TPCN1: variants seen among roughly 807,000 people sequenced by gnomAD.
TPCN1 encodes the protein two pore segment channel 1, also known as two pore channel protein 1.
Under a neutral mutation model 108.8 loss-of-function variants are expected in TPCN1, and 52 were observed. The ratio of observed to expected loss-of-function variants is 0.48; its 90% CI spans 0.38 to 0.60. The LOEUF (loss-of-function observed/expected upper bound fraction) is 0.60. TPCN1 is among the 20% of genes least tolerant of loss of function. TPCN1 has a pLI of 0.00. For missense variants in TPCN1, 806 were observed against 1,072.8 expected (o/e 0.75, Z 3.47); for synonymous variants, 446 against 433.7 (o/e 1.03, Z -0.35).
chr12:113,277,289 A>G lies in TPCN1; in HGVS notation c.1109A>G (p.Tyr370Cys), dbSNP rs773840947. 7 of 1,614,006 alleles carry G rather than the reference A, an allele frequency of 4.3e-6. No individual in the cohort carries two copies. The highest frequency in any genetic ancestry group is 2.7e-5 in the African/African-American group (2 of 74,924). ...YRQFEGLMRFYKPRMSARERY... is the reference protein window; with the variant it reads ...YRQFEGLMRFCKPRMSARERY... ...CAGTTTGAAGGCCTCATGCGCTTCT[A>G]CAAGCCCCGGATGAGTGCCAGGGAG... The change falls in exon 12 of 28, where the codon TAC becomes TGC. Residue 370 changes from tyrosine (Y) to cysteine (C), a missense_variant. Physicochemically the swap from Tyr to Cys is radical, Grantham distance 194. Coordinates refer to ENST00000335509, the MANE Select transcript of TPCN1 (RefSeq NM_017901.6).
rs1380629875 is a variant in TPCN1, at chr12:113,266,143, C to T, written c.238-37C>T. ...CTCCTCTTTGGCGTTGGATGGGTCTCCAGGCTTACATGCCCACACTACTCT... is the reference window on the plus strand; with the variant it reads ...CTCCTCTTTGGCGTTGGATGGGTCTTCAGGCTTACATGCCCACACTACTCT... On this transcript the variant is annotated intron_variant, in intron 3 of 27. Coordinates refer to ENST00000335509, the MANE Select transcript of TPCN1 (RefSeq NM_017901.6). The surrounding 1 kb of genome is among the most constrained non-coding windows in gnomAD (Gnocchi z 4.2). 4 of 1,609,292 alleles carry T rather than the reference C, an allele frequency of 2.5e-6. No homozygotes were observed. The highest frequency in any genetic ancestry group is 4.5e-5 in the East Asian group (2 of 44,848).
chr12:113,267,428 T>TC (rs1955306522), intron 4 of TPCN1, among the ~76,000 whole-genome samples: 1 of 151,770 alleles, frequency 6.6e-6, no homozygotes, highest in South Asian at 2.1e-4. Context: ...AGACTGAGTC[T>TC]CCCTCTGTTG....
rs568519406 is a variant in TPCN1 at position 113,297,938 on chromosome 12, G to A, written c.*1862G>A. 1 of 152,376 alleles carries A rather than the reference G, an allele frequency of 6.6e-6. No homozygotes were observed. Among genetic ancestry groups the A allele is most frequent in the South Asian group, 2.1e-4 (1 of 4,830 alleles). The allele number at this position is 152,376 out of a possible 1,614,324, so 9.4% of individuals were successfully genotyped here. ...GACCTGAGCATCTGGGCCTCGCCTGGGCCCTTCTTCCTCCCCAGGGGTGGA... is the reference window on the plus strand; with the variant it reads ...GACCTGAGCATCTGGGCCTCGCCTGAGCCCTTCTTCCTCCCCAGGGGTGGA... On this transcript the variant is annotated 3_prime_UTR_variant, in exon 28 of 28. Coordinates refer to ENST00000335509, the MANE Select transcript of TPCN1 (RefSeq NM_017901.6). The surrounding 1 kb of genome is among the most constrained non-coding windows in gnomAD (Gnocchi z 4.4).
Position 113,288,384 on chromosome 12 carries a change from G to C in TPCN1, c.1706+150G>C, listed in dbSNP as rs763482773. On this transcript the variant is annotated intron_variant, in intron 20 of 27. Coordinates refer to ENST00000335509, the MANE Select transcript of TPCN1 (RefSeq NM_017901.6). This position sits in a 1 kb window ranked among gnomAD's most constrained non-coding sequence, Gnocchi z 4.8. ...GGGGCTCCAAGGAGCCTGGAATCTT[G>C]ACCACCACAGGTCTCCTGGGCACCA... is the stretch of plus-strand genomic sequence containing the variant. The C allele has an allele frequency of 6.7e-7, 1 of 1,500,832 alleles. No individual in the cohort carries two copies. Among genetic ancestry groups the C allele is most frequent in the Non-Finnish European group, 8.9e-7 (1 of 1,126,924 alleles). 93.0% of individuals were successfully genotyped at this position (1,500,832 alleles called of 1,614,324 possible). A position where few individuals can be genotyped will look rare whatever the true frequency, so the allele number is the denominator to read the frequency against.
At chr12:113,280,292 G>A in intron 15 of TPCN1, 97 bp downstream of exon 15, 1 of 987,178 alleles carries the variant, frequency 1.0e-6, no homozygotes, top group South Asian at 1.6e-5. Flanking sequence ...AGAGTCCTGT[G>A]TTTGACTTTT....
intron 15 of TPCN1, among the ~76,000 whole-genome samples, chr12:113,281,778 A>G (rs1955893313): frequency 6.6e-6 from 1 of 152,030 alleles, no homozygotes; most frequent in Admixed American, 6.6e-5. Flanking sequence ...GCCTCAAGCC[A>G]TTCTCCTGCC....
At position 113,268,007 on chromosome 12, in the gene TPCN1, C is replaced by T; in HGVS notation, c.528+51C>T. 8.0e-7 allele frequency: 1 copy of T among 1,244,782 alleles called. No homozygotes were observed. Among genetic ancestry groups the T allele is most frequent in the Non-Finnish European group, 1.2e-6 (1 of 862,246 alleles). The allele number at this position is 1,244,782 out of a possible 1,614,324, so 77.1% of individuals were successfully genotyped here. A position where few individuals can be genotyped will look rare whatever the true frequency, so the allele number is the denominator to read the frequency against. On this transcript the variant is annotated intron_variant, in intron 5 of 27. Coordinates refer to ENST00000335509, the MANE Select transcript of TPCN1 (RefSeq NM_017901.6). The surrounding 1 kb of genome is among the most constrained non-coding windows in gnomAD (Gnocchi z 7.3). Reference sequence around the variant, plus strand: ...CCCCTCACAGCCTTTTCTCCCATGTCACCTTCAAACCTGTCTCTTTGGTAC... The same window carrying T: ...CCCCTCACAGCCTTTTCTCCCATGTTACCTTCAAACCTGTCTCTTTGGTAC...
At chr12:113,223,435 C>CTTTTTTTTTTTT (rs1172851714) in intron 1 of TPCN1, among the ~76,000 whole-genome samples, 8,194 of 118,460 alleles carry the variant, frequency 0.069, 365 homozygotes, top group African/African-American at 0.091. Flanking sequence ...TCTGCTGAGT[C>CTTTTTTTTTTTT]TTTTTTTTTT....
At chr12:113,277,514 A>G in intron 12 of TPCN1, 150 bp downstream of exon 12, 1 of 949,510 alleles carries the variant, frequency 1.1e-6, no homozygotes, top group Non-Finnish European at 1.5e-6. Context: ...AGACTTACAC[A>G]CTGGATTCAT....
intron 2 of TPCN1, among the ~76,000 whole-genome samples, chr12:113,229,889 A>C (rs1323941493): frequency 6.6e-6 from 1 of 152,214 alleles, no homozygotes; most frequent in Non-Finnish European, 1.5e-5. Flanking sequence ...TGGGGAGGGC[A>C]AGCTCTTCAG....
intron 15 of TPCN1, 119 bp downstream of exon 15, chr12:113,280,314 A>G: frequency 1.4e-6 from 1 of 732,762 alleles, no homozygotes. Flanking sequence ...ATTGTGGGGA[A>G]TTCCCAGCAT....
intron 2 of TPCN1, among the ~76,000 whole-genome samples, chr12:113,236,749 G>C (rs1418033323): frequency 6.6e-6 from 1 of 152,182 alleles, no homozygotes; most frequent in Non-Finnish European, 1.5e-5. Flanking sequence ...CACTGAGTTT[G>C]AATCCAGCCC....
chr12:113,291,994 C>A, intron 25 of TPCN1, 36 bp downstream of exon 25: 1 of 1,573,296 alleles, frequency 6.4e-7, no homozygotes, highest in Non-Finnish European at 8.7e-7. Context: ...CATTTGATAT[C>A]TGCCGCCTAC....
At chr12:113,236,219 G>C (rs1238185552) in intron 2 of TPCN1, among the ~76,000 whole-genome samples, 1 of 152,182 alleles carries the variant, frequency 6.6e-6, no homozygotes, top group African/African-American at 2.4e-5. Context: ...GGGACACGGG[G>C]TGCCTACTGT....
intron 15 of TPCN1, among the ~76,000 whole-genome samples, chr12:113,282,213 C>T (rs1955911225): frequency 6.6e-6 from 1 of 151,512 alleles, no homozygotes; most frequent in Non-Finnish European, 1.5e-5. Context: ...GCCTCAGCCT[C>T]CCAAGTAGCT....
In TPCN1 at chr12:113,292,770, G is replaced by A. The variant is rs1956308861; in HGVS notation, c.2114-164G>A. ...TCCTGACATCACAGCAGAGGGAGGG[G>A]AAGGGAAAGGAGGGCCAACGAGGAG... On this transcript the variant is annotated intron_variant, in intron 25 of 27. Coordinates refer to ENST00000335509, the MANE Select transcript of TPCN1 (RefSeq NM_017901.6). 4 of 753,380 alleles carry A rather than the reference G, an allele frequency of 5.3e-6. No individual in the cohort carries two copies. In the East Asian group the frequency reaches 1.0e-4, roughly 20 times the overall value. 46.7% of individuals were successfully genotyped at this position (753,380 alleles called of 1,614,324 possible). A position where few individuals can be genotyped will look rare whatever the true frequency, so the allele number is the denominator to read the frequency against.
chr12:113,226,989 G>A, intron 2 of TPCN1, 25 bp downstream of exon 2: 2 of 1,585,252 alleles, frequency 1.3e-6, no homozygotes, highest in Non-Finnish European at 1.7e-6. Context: ...TGGGCTGGGG[G>A]GACCCCAGCT....
Position 113,268,167 on chromosome 12 carries a change from G to T in TPCN1, c.528+211G>T, listed in dbSNP as rs1484041434. Among the ~76,000 whole-genome samples the T allele has an allele frequency of 1.3e-5, 2 of 152,200 alleles. No individual in the cohort carries two copies. The highest frequency in any genetic ancestry group is 2.9e-5 in the Non-Finnish European group (2 of 68,038). On this transcript the variant is annotated intron_variant, in intron 5 of 27. Transcript: ENST00000335509. The surrounding 1 kb of genome is among the most constrained non-coding windows in gnomAD (Gnocchi z 7.3). Reference sequence around the variant, plus strand: ...AGTAGCTAATGTGATTGGGTGTTTGGTACCTGCCAGGCACTGGCGCAGTCA... The same window carrying T: ...AGTAGCTAATGTGATTGGGTGTTTGTTACCTGCCAGGCACTGGCGCAGTCA...
chr12:113,278,275 A>AG lies in TPCN1; in HGVS notation c.1233+39dup, dbSNP rs747650141. ...CTGAGACCATAGAAGGAGTAGACAG[A>AG]GAGGTCCCCACGTGGGGCAGTGAGG... On this transcript the variant is annotated intron_variant, in intron 13 of 27. Coordinates refer to ENST00000335509, the MANE Select transcript of TPCN1 (RefSeq NM_017901.6). 3 of 1,596,322 alleles carry AG rather than the reference A, an allele frequency of 1.9e-6. No homozygotes were observed. The South Asian group carries it at 3.3e-5, about 18-fold the overall frequency.
Sources: allele counts gnomAD v4.1 joint callset (sites outside exome capture counted in the v4.1 genomes callset), GRCh38; gene constraint gnomAD v4.1.1; non-coding constraint Gnocchi (gnomAD v3.1); transcripts MANE v1.5; gene names NCBI Gene and HGNC (gene_info 2026-07-23, HGNC 2026-07-21).